Variants in FAM110B observed in about 807,000 individuals in gnomAD.
The protein encoded by FAM110B is protein FAM110B.
FAM110B carries 6 observed loss-of-function variants against 20.4 expected under a neutral mutation model. The observed-to-expected ratio is 0.29, with a 90% CI of 0.16 to 0.58. FAM110B has a LOEUF of 0.58. Among genes scored for constraint, FAM110B ranks in the 20% least tolerant of loss-of-function variants. The pLI is 0.90. For missense variants in FAM110B, 434 were observed against 498.2 expected (o/e 0.87, Z 1.23); for synonymous variants, 226 against 214.1 (o/e 1.06, Z -0.49).
chr8:58,129,441 C>T (rs767150227), intron 3 of FAM110B, among the ~76,000 whole-genome samples: 4 of 152,354 alleles, frequency 2.6e-5, no homozygotes, highest in Middle Eastern at 3.4e-3. Flanking sequence ...ATCCACCTCT[C>T]GATAACATTA....
intron 1 of FAM110B, among the ~76,000 whole-genome samples, chr8:58,006,994 C>A (rs911704196): frequency 1.3e-5 from 2 of 150,002 alleles, no homozygotes; most frequent in African/African-American, 4.9e-5. Context: ...GTCACTGACA[C>A]CGCTGCCATT....
chr8:58,030,811 G>A (rs1245152829), intron 1 of FAM110B, among the ~76,000 whole-genome samples: 1 of 152,164 alleles, frequency 6.6e-6, no homozygotes, highest in East Asian at 1.9e-4. Flanking sequence ...TTTCAACACA[G>A]TATTTTCTTT....
chr8:58,113,108 A>G (rs1044043412), intron 3 of FAM110B: 4 of 151,676 alleles, frequency 2.6e-5, no homozygotes, highest in Admixed American at 2.0e-4. Context: ...CTCTGCCCTC[A>G]TGATTTAATC....
chr8:58,018,021 TC>T (rs1262746985), intron 1 of FAM110B, among the ~76,000 whole-genome samples: 1 of 152,204 alleles, frequency 6.6e-6, no homozygotes, highest in Non-Finnish European at 1.5e-5. Context: ...GGTCATTTTA[TC>T]CCCAAAACCA....
At chr8:58,092,065 T>G (rs1383789579) in intron 3 of FAM110B, among the ~76,000 whole-genome samples, 2 of 152,222 alleles carry the variant, frequency 1.3e-5, no homozygotes, top group African/African-American at 4.8e-5. Context: ...GAGTAACCAC[T>G]GCTAAAAGAC....
At chr8:58,035,214 C>A (rs1386942838) in intron 2 of FAM110B, among the ~76,000 whole-genome samples, 3 of 152,126 alleles carry the variant, frequency 2.0e-5, no homozygotes, top group Non-Finnish European at 2.9e-5. Flanking sequence ...TATTTTTTAT[C>A]ATCCTTAAAT....
At chr8:58,017,283 T>A (rs544888395) in intron 1 of FAM110B, among the ~76,000 whole-genome samples, 2 of 152,354 alleles carry the variant, frequency 1.3e-5, no homozygotes, top group African/African-American at 4.8e-5. Flanking sequence ...GATAAGAGAC[T>A]GGCTGAGGGA....
chr8:58,121,015 G>A (rs913489033), intron 3 of FAM110B, among the ~76,000 whole-genome samples: 1 of 152,192 alleles, frequency 6.6e-6, no homozygotes, highest in Middle Eastern at 3.2e-3. Flanking sequence ...GGGATGTAAC[G>A]GTGAATAATG....
intron 3 of FAM110B, among the ~76,000 whole-genome samples, chr8:58,144,199 G>C (rs1413685256): frequency 6.6e-6 from 1 of 152,120 alleles, no homozygotes; most frequent in Non-Finnish European, 1.5e-5. Flanking sequence ...TATTGTCCTG[G>C]GGTCAGCCCT....
chr8:58,007,948 A>G (rs1247386658), intron 1 of FAM110B, among the ~76,000 whole-genome samples: 1 of 152,170 alleles, frequency 6.6e-6, no homozygotes, highest in Non-Finnish European at 1.5e-5. Flanking sequence ...TACGTAAAGT[A>G]ACAAAATTCC....
rs7843359 is a variant in FAM110B at position 58,005,255 on chromosome 8, G to A, written c.-512+10449G>A. 9.6e-3 allele frequency among the ~76,000 whole-genome samples: 1,461 copies of A among 152,246 alleles called. 25 individuals are homozygous for A. The highest frequency in any genetic ancestry group is 0.033 in the African/African-American group (1,361 of 41,534). The stretch of plus-strand genomic sequence containing the variant: ...CAGAGGAAGAGATTGGGGCAGGGGC[G>A]GGGAGCAGTCAGTGGAGCAGTCAGA... On this transcript the variant is annotated intron_variant, in intron 1 of 3. Coordinates refer to ENST00000519262, the MANE Select transcript of FAM110B (RefSeq NM_001377989.1).
intron 3 of FAM110B, chr8:58,113,130 A>G (rs1472246504): frequency 6.6e-6 from 1 of 150,680 alleles, no homozygotes; most frequent in Non-Finnish European, 1.5e-5. Flanking sequence ...CCTCCCAAAG[A>G]TCTTGCCTTT....
chr8:58,052,816 C>T (rs1280959186), intron 2 of FAM110B, among the ~76,000 whole-genome samples: 6 of 116,210 alleles, frequency 5.2e-5, no homozygotes, highest in Non-Finnish European at 8.3e-5. Flanking sequence ...GACGGAGTCT[C>T]GCTCTGTCGC....
chr8:58,100,831 T>C lies in FAM110B; in HGVS notation c.-325+25208T>C, dbSNP rs1163136861. On this transcript the variant is annotated intron_variant, in intron 3 of 3. Coordinates refer to ENST00000519262, the MANE Select transcript of FAM110B (RefSeq NM_001377989.1). ...TATTGGAGGTTAGAACTTACACTAA[T>C]GAATTTTGGAAGACCCAATTCAACC... 2.0e-5 allele frequency: 3 copies of C among 152,212 alleles called. No individual in the cohort carries two copies. The East Asian group carries it at 5.8e-4, about 29-fold the overall frequency. The allele number at this position is 152,212 out of a possible 1,614,324, so 9.4% of individuals were successfully genotyped here. A position where few individuals can be genotyped will look rare whatever the true frequency, so the allele number is the denominator to read the frequency against.
In FAM110B at chr8:58,061,668, C is replaced by G. The variant is rs73682108; in HGVS notation, c.-413-13867C>G. Among the ~76,000 whole-genome samples the G allele has an allele frequency of 1.4e-3, 216 of 152,324 alleles. 1 individual carries two copies. The highest frequency in any genetic ancestry group is 5.1e-3 in the African/African-American group (210 of 41,570). On this transcript the variant is annotated intron_variant, in intron 2 of 3. Transcript: ENST00000519262. ...CCTGAAGGTGAATTAATGTCCTTCA[C>G]ACCACTTCCAGTTTCAGAGCTAATA...
intron 3 of FAM110B, among the ~76,000 whole-genome samples, chr8:58,140,363 A>G (rs1321073721): frequency 6.6e-6 from 1 of 152,198 alleles, no homozygotes; most frequent in Non-Finnish European, 1.5e-5. Context: ...CCCACTCAAA[A>G]AGCCCTCAAG....
intron 1 of FAM110B, among the ~76,000 whole-genome samples, chr8:57,995,649 A>C (rs989648824): frequency 6.6e-6 from 1 of 152,174 alleles, no homozygotes; most frequent in East Asian, 1.9e-4. Context: ...TGGGGAAGGA[A>C]GGGAGATAAC....
chr8:58,118,834 G>A (rs1807283948), intron 3 of FAM110B, among the ~76,000 whole-genome samples: 1 of 152,130 alleles, frequency 6.6e-6, no homozygotes, highest in Admixed American at 6.6e-5. Flanking sequence ...CCTGAAACAG[G>A]TAGCAGTCCT....
chr8:58,040,326 C>T (rs190516893), intron 2 of FAM110B, among the ~76,000 whole-genome samples: 12 of 152,302 alleles, frequency 7.9e-5, no homozygotes, highest in African/African-American at 1.4e-4. Context: ...TTTCCTCTAA[C>T]GTTACCAATA....
Sources: allele counts gnomAD v4.1 joint callset (sites outside exome capture counted in the v4.1 genomes callset), GRCh38; gene constraint gnomAD v4.1.1; transcripts MANE v1.5; gene names NCBI Gene and HGNC (gene_info 2026-07-23, HGNC 2026-07-21).